The following ETV6 variants were observed in gnomAD, a reference collection of about 807,000 sequenced individuals.
ETV6 encodes ETS variant transcription factor 6.
Under a neutral mutation model 51.1 loss-of-function variants are expected in ETV6, and 16 were observed. The observed-to-expected ratio is 0.31, with a 90% CI of 0.21 to 0.48. The LOEUF is 0.48. Ranked by LOEUF, ETV6 falls within the 20% of genes least tolerant of loss-of-function variation. The probability of loss-of-function intolerance (pLI) is 0.99; values close to 1 mark genes in which losing one functional copy is unlikely to be tolerated. For missense variants in ETV6, 458 were observed against 594.8 expected (o/e 0.77, Z 2.39); for synonymous variants, 240 against 224.1 (o/e 1.07, Z -0.64).
intron 2 of ETV6, among the ~76,000 whole-genome samples, chr12:11,834,750 G>GA (rs1946290740): frequency 3.3e-5 from 5 of 152,304 alleles, no homozygotes; most frequent in Middle Eastern, 3.4e-3. Flanking sequence ...CATGGGCATG[G>GA]AGTAATTCTG....
intron 2 of ETV6, among the ~76,000 whole-genome samples, chr12:11,799,722 C>T (rs1005938414): frequency 6.6e-6 from 1 of 152,136 alleles, no homozygotes; most frequent in Admixed American, 6.5e-5. Context: ...AAACTGGGCA[C>T]GTCTACTTTG....
chr12:11,890,980 A>C lies in ETV6; in HGVS notation c.1293A>C (p.Thr431=). The change falls in exon 8 of 8, where the codon ACA becomes ACC. Residue 431 remains threonine (T), a synonymous_variant. Transcript: ENST00000396373. ...KTPDEIMSGR[T]DRLEHLESQE... is the part of the protein sequence containing the mutation. ...CAGATGAAATCATGAGTGGCCGAAC[A>C]GACCGTCTGGAGCACCTAGAGTCCC... 1 of 1,613,998 alleles carries C rather than the reference A, an allele frequency of 6.2e-7. No individual in the cohort carries two copies.
chr12:11,736,923 C>T (rs978696288), intron 1 of ETV6, among the ~76,000 whole-genome samples: 1 of 152,186 alleles, frequency 6.6e-6, no homozygotes, highest in Admixed American at 6.5e-5. Context: ...AAATACTTCA[C>T]GAGTGTCCAG....
rs956873792 is a variant in ETV6 at position 11,649,912 on chromosome 12, C to T, written c.-216C>T. On this transcript the variant is annotated 5_prime_UTR_variant, in exon 1 of 8. Coordinates refer to ENST00000396373, the MANE Select transcript of ETV6 (RefSeq NM_001987.5). ...CAGACCCCGCCGCCGCGCTCGGGCC[C>T]GTCTCCCACGCCCCCGCCGCCCCGC... 5.1e-6 allele frequency: 1 copy of T among 194,566 alleles called. No homozygotes were observed. Among genetic ancestry groups the T allele is most frequent in the African/African-American group, 2.4e-5 (1 of 42,078 alleles). 12.1% of individuals were successfully genotyped at this position (194,566 alleles called of 1,614,324 possible). A position where few individuals can be genotyped will look rare whatever the true frequency, so the allele number is the denominator to read the frequency against.
chr12:11,682,519 G>A (rs1003558524), intron 1 of ETV6, among the ~76,000 whole-genome samples: 11 of 152,134 alleles, frequency 7.2e-5, no homozygotes, highest in African/African-American at 2.7e-4. Flanking sequence ...TAGGTTGTCT[G>A]CTCACTCTAA....
intron 2 of ETV6, among the ~76,000 whole-genome samples, chr12:11,775,533 C>G (rs757237139): frequency 2.0e-5 from 3 of 152,182 alleles, no homozygotes; most frequent in Non-Finnish European, 4.4e-5. Context: ...CACATAGCTG[C>G]TAGGCACTGT....
At chr12:11,757,579 C>T (rs1365949965) in intron 2 of ETV6, among the ~76,000 whole-genome samples, 3 of 152,182 alleles carry the variant, frequency 2.0e-5, no homozygotes, top group Non-Finnish European at 2.9e-5. Context: ...ATGAGCTGAC[C>T]GTGTCTCCGA....
chr12:11,686,089 A>G (rs1433602664), intron 1 of ETV6, among the ~76,000 whole-genome samples: 2 of 152,242 alleles, frequency 1.3e-5, no homozygotes, highest in Admixed American at 6.5e-5. Context: ...AGAAAATTCT[A>G]TCACTCTTAC....
intron 1 of ETV6, among the ~76,000 whole-genome samples, 181 bp from the exon 2 acceptor site, chr12:11,752,269 C>T (rs1328938490): frequency 6.6e-6 from 1 of 152,136 alleles, no homozygotes; most frequent in Non-Finnish European, 1.5e-5. Context: ...CAAGGCTAGG[C>T]ATCTGAAAGA....
At chr12:11,796,891 A>G (rs192862675) in intron 2 of ETV6, among the ~76,000 whole-genome samples, 38 of 151,788 alleles carry the variant, frequency 2.5e-4, no homozygotes, top group Admixed American at 9.8e-4. Flanking sequence ...GGCTCAAGCA[A>G]TCCTCCTACC....
intron 1 of ETV6, among the ~76,000 whole-genome samples, chr12:11,669,936 C>T (rs1046801831): frequency 2.6e-5 from 4 of 152,138 alleles, no homozygotes; most frequent in East Asian, 1.9e-4. Flanking sequence ...TCTTCCCCGG[C>T]GGCCATTCAC....
intron 1 of ETV6, among the ~76,000 whole-genome samples, chr12:11,691,627 A>C (rs1864764907): frequency 6.6e-6 from 1 of 152,212 alleles, no homozygotes; most frequent in African/African-American, 2.4e-5. Flanking sequence ...TTTTTTACTT[A>C]ACGTCTCGAC....
chr12:11,710,355 C>T (rs570559563), intron 1 of ETV6, among the ~76,000 whole-genome samples: 1 of 152,212 alleles, frequency 6.6e-6, no homozygotes, highest in African/African-American at 2.4e-5. Flanking sequence ...TTTCTCTGAC[C>T]TCCTGTCTCC....
At chr12:11,874,593 CATATAT>C (rs1565562604) in intron 5 of ETV6, among the ~76,000 whole-genome samples, 13 of 8,772 alleles carry the variant, frequency 1.5e-3, no homozygotes, top group East Asian at 0.5. Context: ...TGTGTATACA[CATATAT>C]GTGTATGTGC....
At position 11,812,458 on chromosome 12, in the gene ETV6, C is replaced by A. The variant is rs923561954; in HGVS notation, c.164-26682C>A. Among the ~76,000 whole-genome samples the A allele has an allele frequency of 2.6e-5, 4 of 152,312 alleles. No homozygotes were observed. The South Asian group carries it at 8.3e-4, about 32-fold the overall frequency. ...AAAACCCCTTTAGCTCACTCCTCCC[C>A]CTGTGCTCACTCACATACTCAAATA... is the stretch of plus-strand genomic sequence containing the variant. On this transcript the variant is annotated intron_variant, in intron 2 of 7. Transcript: ENST00000396373.
Position 11,893,794 on chromosome 12 carries a change from T to TATATATATA in ETV6, c.*2748_*2749insATATATATA, listed in dbSNP as rs58787654. 11 of 78,906 alleles carry TATATATATA rather than the reference T, an allele frequency of 1.4e-4. 1 individual carries two copies. The highest frequency in any genetic ancestry group is 2.9e-4 in the African/African-American group (5 of 17,126). The allele number at this position is 78,906 out of a possible 1,614,324, so 4.9% of individuals were successfully genotyped here. On this transcript the variant is annotated 3_prime_UTR_variant, in exon 8 of 8. Coordinates refer to ENST00000396373, the MANE Select transcript of ETV6 (RefSeq NM_001987.5). ...GTGTCCATCCCCAAGATCTCTCATTTTATATATATATATATATATATATAT... is the reference window on the plus strand; with the variant it reads ...GTGTCCATCCCCAAGATCTCTCATTTATATATATATATATATATATATATATATATATAT...
At chr12:11,812,188 C>G (rs1392802854) in intron 2 of ETV6, among the ~76,000 whole-genome samples, 2 of 152,136 alleles carry the variant, frequency 1.3e-5, no homozygotes, top group Admixed American at 1.3e-4. Flanking sequence ...GATATTCTCC[C>G]ATTTTGGAGA....
intron 2 of ETV6, among the ~76,000 whole-genome samples, chr12:11,781,440 G>A (rs1205535671): frequency 6.6e-6 from 1 of 152,166 alleles, no homozygotes; most frequent in Non-Finnish European, 1.5e-5. Flanking sequence ...ACCAGATAGG[G>A]TGTATTCTTT....
At chr12:11,650,430 G>A (rs1404719942) in intron 1 of ETV6, among the ~76,000 whole-genome samples, 1 of 113,342 alleles carries the variant, frequency 8.8e-6, no homozygotes, top group East Asian at 3.1e-4. Flanking sequence ...ATTGGTCAGA[G>A]CAACCCGGAT....
Sources: allele counts gnomAD v4.1 joint callset (sites outside exome capture counted in the v4.1 genomes callset), GRCh38; gene constraint gnomAD v4.1.1; transcripts MANE v1.5; gene names NCBI Gene and HGNC (gene_info 2026-07-23, HGNC 2026-07-21).